The following PGM1 variants were observed in gnomAD, a reference collection of about 807,000 sequenced individuals.
PGM1 encodes phosphoglucomutase 1, also known as phosphoglucomutase-1.
PGM1 carries 52 observed loss-of-function variants against 55.6 expected under a neutral mutation model. The ratio of observed to expected loss-of-function variants is 0.94; its 90% CI spans 0.75 to 1.18. The LOEUF is 1.18. Ranked by LOEUF, PGM1 falls within the 50% of genes most tolerant of loss-of-function variation. The pLI, the probability that PGM1 is intolerant of heterozygous loss-of-function variation, is 0.00. For missense variants in PGM1, 724 were observed against 729.3 expected (o/e 0.99, Z 0.08); for synonymous variants, 287 against 271.7 (o/e 1.06, Z -0.55).
chr1:63,613,844 G>A (rs1648634951), intron 1 of PGM1, among the ~76,000 whole-genome samples: 1 of 151,954 alleles, frequency 6.6e-6, no homozygotes, highest in Non-Finnish European at 1.5e-5. Context: ...AGCCCTTTGG[G>A]AGTCACTTGG....
At chr1:63,621,598 A>G (rs1473704516) in intron 1 of PGM1, among the ~76,000 whole-genome samples, 1 of 152,246 alleles carries the variant, frequency 6.6e-6, no homozygotes, top group Non-Finnish European at 1.5e-5. Context: ...TAGTACGTTG[A>G]AAAACAGTGG....
At chr1:63,652,565 C>T (rs566556687) in intron 9 of PGM1, among the ~76,000 whole-genome samples, 1 of 114,140 alleles carries the variant, frequency 8.8e-6, no homozygotes, top group Non-Finnish European at 1.9e-5. Context: ...ACCTCTGCTT[C>T]TGTTGCCTGT....
chr1:63,602,545 A>G (rs576740939), intron 1 of PGM1, among the ~76,000 whole-genome samples: 2 of 152,328 alleles, frequency 1.3e-5, no homozygotes, highest in South Asian at 4.1e-4. Flanking sequence ...GTTATGAGGT[A>G]AGTGACAAAA....
At chr1:63,602,539 T>A (rs558555226) in intron 1 of PGM1, among the ~76,000 whole-genome samples, 62 of 152,336 alleles carry the variant, frequency 4.1e-4, no homozygotes, top group African/African-American at 1.4e-3. Flanking sequence ...TGTAGAGTTA[T>A]GAGGTAAGTG....
chr1:63,632,163 C>T (rs1347415567), intron 4 of PGM1, among the ~76,000 whole-genome samples: 1 of 151,940 alleles, frequency 6.6e-6, no homozygotes, highest in African/African-American at 2.4e-5. Flanking sequence ...GAGCCCCACA[C>T]CCCCACTCAC....
At chr1:63,636,888 T>C (rs926603166) in intron 6 of PGM1, among the ~76,000 whole-genome samples, 6 of 152,196 alleles carry the variant, frequency 3.9e-5, no homozygotes, top group Non-Finnish European at 7.3e-5. Context: ...AAGAGCAGTT[T>C]GAAGTAATTT....
At chr1:63,635,153 A>C in intron 5 of PGM1, 134 bp downstream of exon 5, 2 of 742,092 alleles carry the variant, frequency 2.7e-6, no homozygotes, top group Non-Finnish European at 4.8e-6. Flanking sequence ...CGAGGTCAGA[A>C]CTAAATTATT....
At chr1:63,641,445 AGCAACCAC>A (rs1273134731) in intron 7 of PGM1, among the ~76,000 whole-genome samples, 1 of 152,238 alleles carries the variant, frequency 6.6e-6, no homozygotes, top group East Asian at 1.9e-4. Flanking sequence ...GTTAATTTTT[AGCAACCAC>A]GCCCCTTGCT....
chr1:63,639,786 C>T (rs923486484), intron 7 of PGM1, among the ~76,000 whole-genome samples: 5 of 152,130 alleles, frequency 3.3e-5, no homozygotes, highest in Non-Finnish European at 7.3e-5. Flanking sequence ...AGAATACTGA[C>T]TTCATTTCCT....
chr1:63,639,037 G>GA (rs1288309785), intron 7 of PGM1, among the ~76,000 whole-genome samples: 1 of 152,106 alleles, frequency 6.6e-6, no homozygotes, highest in Admixed American at 6.5e-5. Context: ...GGAAGTTGGG[G>GA]GGCCTCCTCA....
chr1:63,600,217 A>C (rs1013128384), intron 1 of PGM1: 2 of 152,160 alleles, frequency 1.3e-5, no homozygotes, highest in African/African-American at 4.8e-5. Context: ...AAAATACTTA[A>C]ATCAGCTTGC....
At chr1:63,634,326 T>C (rs1463984930) in intron 4 of PGM1, among the ~76,000 whole-genome samples, 3 of 152,232 alleles carry the variant, frequency 2.0e-5, no homozygotes, top group Non-Finnish European at 4.4e-5. Flanking sequence ...CTTACATCAA[T>C]CCTGTTAAGT....
chr1:63,600,146 A>G (rs855324), intron 1 of PGM1: 92,253 of 152,112 alleles, frequency 0.61, 29,759 homozygotes, highest in African/African-American at 0.82. Flanking sequence ...TGAGAAAGAG[A>G]GAATAGGCAG....
intron 4 of PGM1, among the ~76,000 whole-genome samples, chr1:63,633,928 ATATATTTT>A (rs1649282631): frequency 6.2e-5 from 4 of 64,388 alleles, no homozygotes; most frequent in African/African-American, 4.3e-4. Flanking sequence ...GTATATATAT[ATATATTTT>A]TTTTTTTTTT....
intron 1 of PGM1, among the ~76,000 whole-genome samples, chr1:63,599,305 A>C (rs574140018): frequency 2.6e-5 from 4 of 152,066 alleles, no homozygotes; most frequent in Non-Finnish European, 4.4e-5. Flanking sequence ...AGGTGGGACT[A>C]CAGGCGTGCA....
At chr1:63,651,504 G>C (rs181396137) in intron 8 of PGM1, 165 bp from the exon 9 acceptor site, 2 of 654,942 alleles carry the variant, frequency 3.1e-6, no homozygotes, top group South Asian at 1.8e-5. Context: ...TCCCTGGCCT[G>C]TTCCATCCCC....
chr1:63,596,869 A>G (rs531052019), intron 1 of PGM1, among the ~76,000 whole-genome samples: 1 of 152,342 alleles, frequency 6.6e-6, no homozygotes, highest in Non-Finnish European at 1.5e-5. Context: ...GCCTAGGACT[A>G]TGTAGCATTC....
chr1:63,594,939 C>G (rs1379382292), intron 1 of PGM1, among the ~76,000 whole-genome samples: 2 of 123,596 alleles, frequency 1.6e-5, no homozygotes, highest in African/African-American at 3.3e-5. Flanking sequence ...CTAGCCTCGG[C>G]GACAGAGCGA....
intron 6 of PGM1, among the ~76,000 whole-genome samples, chr1:63,637,718 T>G (rs2100989796): frequency 6.6e-6 from 1 of 152,324 alleles, no homozygotes; most frequent in South Asian, 2.1e-4. Context: ...ATGTTAGGCC[T>G]GTCAGGTCCT....
Sources: gnomAD v4.1 joint callset for allele counts (sites outside exome capture counted in the v4.1 genomes callset) on GRCh38, gnomAD v4.1.1 for gene constraint, MANE v1.5 for transcripts, NCBI Gene and HGNC (gene_info 2026-07-23, HGNC 2026-07-21) for gene names.